Variants in RIOX2 observed in about 807,000 individuals in gnomAD.
The protein encoded by RIOX2 is ribosomal oxygenase 2, also known as 60S ribosomal protein L27a histidine hydroxylase.
In RIOX2, 43 loss-of-function variants were observed where a neutral mutation model predicts 51.2. That is an observed-to-expected ratio of 0.84 (90% CI 0.66 to 1.08). The LOEUF is 1.08. Among genes scored for constraint, RIOX2 ranks in the 50% least tolerant of loss-of-function variants. The pLI is 0.00. For missense variants in RIOX2, 566 were observed against 561.7 expected (o/e 1.01, Z -0.08); for synonymous variants, 226 against 218.5 (o/e 1.03, Z -0.30).
At chr3:97,951,428 A>T (rs1372960989) in intron 5 of RIOX2, among the ~76,000 whole-genome samples, 1 of 152,214 alleles carries the variant, frequency 6.6e-6, no homozygotes, top group Admixed American at 6.5e-5. Flanking sequence ...CAATAATTCC[A>T]AAACAATTAT....
chr3:97,942,163 TTTAGA>T lies in RIOX2; in HGVS notation c.*3016_*3020del. The T allele has an allele frequency of 1.3e-6, 1 of 765,432 alleles. No homozygotes were observed. The allele number at this position is 765,432 out of a possible 1,614,324, so 47.4% of individuals were successfully genotyped here. On this transcript the variant is annotated 3_prime_UTR_variant, in exon 10 of 10. Transcript: ENST00000394198. The stretch of plus-strand genomic sequence containing the variant: ...CTGAAATTATACTATATAGTATTTT[TTTAGA>T]TAAGACACACACACACTTCATGTCT...
At chr3:97,969,880 G>C (rs1025224414) in intron 1 of RIOX2, among the ~76,000 whole-genome samples, 1 of 152,134 alleles carries the variant, frequency 6.6e-6, no homozygotes, top group Non-Finnish European at 1.5e-5. Flanking sequence ...TAAATCAGCC[G>C]AGTCCTCCTA....
At chr3:97,950,700 AAGT>A (rs1371804557) in intron 6 of RIOX2, 83 bp downstream of exon 6, 5 of 1,021,046 alleles carry the variant, frequency 4.9e-6, no homozygotes, top group Admixed American at 1.7e-5. Flanking sequence ...ATGTTGGAAG[AAGT>A]ATCCTGGGGT....
At position 97,945,877 on chromosome 3, in the gene RIOX2, T is replaced by G. The variant is rs1279863351; in HGVS notation, c.1160A>C (p.Gln387Pro). Residue 387 changes from glutamine to proline, a missense_variant, in exon 9 of 10, where the codon CAA becomes CCA. Transcript: ENST00000394198. ...ATGATAGATGTACACCATCTTTTCT[T>G]GAGCTTCATCCTTTGGGGAAAAAAT... ...LPDQDQSDEA[Q>P]EKMVYIYHSL... is the part of the protein sequence containing the mutation. The G allele has an allele frequency of 6.2e-7, 1 of 1,607,276 alleles. No homozygotes were observed. Among genetic ancestry groups the G allele is most frequent in the Admixed American group, 1.7e-5 (1 of 59,832 alleles).
rs2040238304 is a variant in RIOX2, at chr3:97,941,888, A to C, written c.*3296T>G. 1 of 155,764 alleles carries C rather than the reference A, an allele frequency of 6.4e-6. No homozygotes were observed. The highest frequency in any genetic ancestry group is 1.4e-5 in the Non-Finnish European group (1 of 70,720). The allele number at this position is 155,764 out of a possible 1,614,324, so 9.6% of individuals were successfully genotyped here. On this transcript the variant is annotated 3_prime_UTR_variant, in exon 10 of 10. Coordinates refer to ENST00000394198, the MANE Select transcript of RIOX2 (RefSeq NM_153182.4). ...TTTTCTCATGCTTCAAAAATGAAAA[A>C]CTTTTAAAAGTAATTATTGTCTGGA...
At chr3:97,961,128 T>C (rs981494774) in intron 3 of RIOX2, among the ~76,000 whole-genome samples, 10 of 152,170 alleles carry the variant, frequency 6.6e-5, no homozygotes, top group African/African-American at 2.4e-4. Context: ...AATGCTTAAG[T>C]GAAACCATGA....
chr3:97,949,592 C>T (rs925544386), intron 7 of RIOX2, among the ~76,000 whole-genome samples: 8 of 152,090 alleles, frequency 5.3e-5, no homozygotes, highest in Non-Finnish European at 2.9e-5. Flanking sequence ...ATATTTCTCA[C>T]CCAAAAGGAC....
Position 97,961,644 on chromosome 3 carries a change from A to G in RIOX2, c.497T>C (p.Val166Ala), listed in dbSNP as rs779121402. The change falls in exon 3 of 10, where the codon GTG (valine) becomes GCG (alanine). Residue 166 changes from valine (V) to alanine (A), a missense_variant. Coordinates refer to ENST00000394198, the MANE Select transcript of RIOX2 (RefSeq NM_153182.4). Reference protein sequence around the residue: ...CYFGSLVGSNVYITPAGSQGL... With the variant: ...CYFGSLVGSNAYITPAGSQGL... The stretch of plus-strand genomic sequence containing the variant: ...CTGAGATCCTGCGGGAGTTATGTAC[A>G]CATTCGAGCCAACCAAGGAGCCAAA... The G allele has an allele frequency of 6.2e-7, 1 of 1,612,842 alleles. No homozygotes were observed. The highest frequency in any genetic ancestry group is 8.5e-7 in the Non-Finnish European group (1 of 1,179,658).
rs368772892 is a variant in RIOX2, at chr3:97,961,712, T to C, written c.433-4A>G. The C allele has an allele frequency of 3.2e-6, 5 of 1,579,138 alleles. No individual in the cohort carries two copies. The African/African-American group carries it at 5.5e-5, about 17-fold the overall frequency. ...CCTGGATCCTCCAAAGCTCATCCTT[T>C]ACAAAAAAGGAAAAAAGAAAGGGTC... On this transcript the variant is annotated splice_region_variant and splice_polypyrimidine_tract_variant and intron_variant, in intron 2 of 9. Transcript: ENST00000394198.
At position 97,945,496 on chromosome 3, in the gene RIOX2, A is replaced by AACTT; in HGVS notation, c.1240-158_1240-155dup. ...ACAATTAGATAACATAAAAGATGCC[A>AACTT]ACTTCTATATAAAAGGCATCCTAAT... is the stretch of plus-strand genomic sequence containing the variant. On this transcript the variant is annotated intron_variant, in intron 9 of 9. Transcript: ENST00000394198. 5.9e-6 allele frequency: 4 copies of AACTT among 680,938 alleles called. No individual in the cohort carries two copies. In the South Asian group the frequency reaches 8.3e-5, roughly 14 times the overall value. 42.2% of individuals were successfully genotyped at this position (680,938 alleles called of 1,614,324 possible).
Position 97,952,324 on chromosome 3 carries a change from CAACTTCTGT to C in RIOX2, c.786-1445_786-1437del. The C allele has an allele frequency of 3.1e-6, 3 of 954,882 alleles. No homozygotes were observed. In the South Asian group the frequency reaches 4.0e-5, roughly 13 times the overall value. The allele number at this position is 954,882 out of a possible 1,614,324, so 59.2% of individuals were successfully genotyped here. ...GTACCCACCCACAATCCTAAGCAGG[CAACTTCTGT>C]AACTTAGGAAGCTCTTCCCAGCCCC... is the stretch of plus-strand genomic sequence containing the variant. On this transcript the variant is annotated intron_variant, in intron 5 of 9. Transcript: ENST00000394198.
intron 2 of RIOX2, among the ~76,000 whole-genome samples, chr3:97,966,613 G>C (rs1161063671): frequency 1.3e-5 from 2 of 152,178 alleles, no homozygotes; most frequent in African/African-American, 4.8e-5. Flanking sequence ...GCCTTACCAG[G>C]AGCAGTTCCA....
intron 1 of RIOX2, 99 bp from the exon 2 acceptor site, chr3:97,967,731 T>C (rs699304): frequency 0.21 from 169,502 of 814,248 alleles, 19,631 homozygotes; most frequent in African/African-American, 0.36. Flanking sequence ...CCATTACACC[T>C]TCGTGAGAAC....
In RIOX2 at chr3:97,942,692, C is replaced by G; in HGVS notation, c.*2492G>C. The G allele has an allele frequency of 5.8e-6, 2 of 342,866 alleles. No homozygotes were observed. Among genetic ancestry groups the G allele is most frequent in the Admixed American group, 4.6e-5 (1 of 21,638 alleles). The allele number at this position is 342,866 out of a possible 1,614,324, so 21.2% of individuals were successfully genotyped here. On this transcript the variant is annotated 3_prime_UTR_variant, in exon 10 of 10. Coordinates refer to ENST00000394198, the MANE Select transcript of RIOX2 (RefSeq NM_153182.4). Reference sequence around the variant, plus strand: ...TTTCATTTGCTACGTGAACTCAGAACAGTTCTAAATTTCAAGCACCATAAA... The same window carrying G: ...TTTCATTTGCTACGTGAACTCAGAAGAGTTCTAAATTTCAAGCACCATAAA...
rs2040251089 is a variant in RIOX2 at position 97,942,378 on chromosome 3, G to A, written c.*2806C>T. The stretch of plus-strand genomic sequence containing the variant: ...GAACATGGGCAATTCAGGCAGAAGT[G>A]GAGACTGAATAAAAATGGAACTATC... On this transcript the variant is annotated 3_prime_UTR_variant, in exon 10 of 10. Coordinates refer to ENST00000394198, the MANE Select transcript of RIOX2 (RefSeq NM_153182.4). 6.2e-7 allele frequency: 1 copy of A among 1,611,684 alleles called. No homozygotes were observed.
intron 5 of RIOX2, chr3:97,953,994 T>C (rs922501559): frequency 1.2e-5 from 2 of 168,822 alleles, no homozygotes; most frequent in African/African-American, 2.4e-5. Context: ...ATGTAATTAA[T>C]GTCAAACTAT....
intron 2 of RIOX2, among the ~76,000 whole-genome samples, chr3:97,962,254 TC>T (rs1434144253): frequency 1.3e-5 from 2 of 151,436 alleles, no homozygotes; most frequent in Admixed American, 6.6e-5. Flanking sequence ...GGCAATCAGT[TC>T]CCCTTTCCAC....
chr3:97,955,107 T>C (rs2107159435), intron 4 of RIOX2, among the ~76,000 whole-genome samples: 1 of 152,286 alleles, frequency 6.6e-6, no homozygotes, highest in South Asian at 2.1e-4. Context: ...TGAGTACTTC[T>C]AGGCGCAGGG....
intron 2 of RIOX2, among the ~76,000 whole-genome samples, chr3:97,964,207 G>C (rs776509196): frequency 2.2e-4 from 33 of 152,180 alleles, no homozygotes; most frequent in Middle Eastern, 6.8e-3. Context: ...TCAACGCCAT[G>C]GCTAAAATAG....
Sources: allele counts gnomAD v4.1 joint callset (sites outside exome capture counted in the v4.1 genomes callset), GRCh38; gene constraint gnomAD v4.1.1; transcripts MANE v1.5; gene names NCBI Gene and HGNC (gene_info 2026-07-23, HGNC 2026-07-21).